Variants in EPB41L4A observed in about 807,000 individuals in gnomAD.
The protein encoded by EPB41L4A is band 4.1-like protein 4A.
EPB41L4A carries 100 observed loss-of-function variants against 108.6 expected under a neutral mutation model. The observed-to-expected ratio is 0.92, with a 90% CI of 0.78 to 1.09. The LOEUF is 1.09. EPB41L4A is among the 50% of genes least tolerant of loss of function. The pLI, the probability that EPB41L4A is intolerant of heterozygous loss-of-function variation, is 0.00. For synonymous variants in EPB41L4A, 319 were observed against 289.0 expected (o/e 1.10, Z -1.05); for missense variants, 1,030 against 842.7 (o/e 1.22, Z -2.75).
At chr5:112,300,553 A>C (rs558636371) in intron 2 of EPB41L4A, among the ~76,000 whole-genome samples, 2 of 152,148 alleles carry the variant, frequency 1.3e-5, no homozygotes, top group East Asian at 1.9e-4. Flanking sequence ...TAGATTACCT[A>C]ATGCTTTTGC....
Position 112,184,082 on chromosome 5 carries a change from A to G in EPB41L4A, c.1556T>C (p.Leu519Ser), listed in dbSNP as rs1231938118. Residue 519 changes from leucine to serine, a missense_variant, in exon 18 of 23, where the codon TTA (leucine) becomes TCA (serine). Transcript: ENST00000261486. ...TTGGTTTTTTTCCTTTTGTCTCCTT[A>G]ATACAGCTTCCCACTGAGGCGCTGA... ...VDSAPQWEAV[L>S]RRQKEKNQAD... 6.2e-7 allele frequency: 1 copy of G among 1,613,946 alleles called. No individual in the cohort carries two copies. Among genetic ancestry groups the G allele is most frequent in the South Asian group, 1.1e-5 (1 of 91,070 alleles).
At chr5:112,372,147 A>G (rs551187872) in intron 1 of EPB41L4A, among the ~76,000 whole-genome samples, 340 of 152,338 alleles carry the variant, frequency 2.2e-3, no homozygotes, top group African/African-American at 7.7e-3. Flanking sequence ...GTAATTTACA[A>G]AGAAAAGAGA....
At chr5:112,243,562 CAGA>C (rs1411284663) in intron 9 of EPB41L4A, among the ~76,000 whole-genome samples, 2 of 152,210 alleles carry the variant, frequency 1.3e-5, no homozygotes, top group Non-Finnish European at 2.9e-5. Flanking sequence ...CTTCTTCCAA[CAGA>C]AGAAGGTTGT....
intron 12 of EPB41L4A, among the ~76,000 whole-genome samples, chr5:112,225,616 G>A (rs1748393800): frequency 6.6e-6 from 1 of 152,080 alleles, no homozygotes. Context: ...GCTTCCCAAA[G>A]GCCACTACTG....
chr5:112,185,225 C>T (rs1033714112), intron 17 of EPB41L4A, among the ~76,000 whole-genome samples: 4 of 152,090 alleles, frequency 2.6e-5, no homozygotes, highest in African/African-American at 9.7e-5. Context: ...AATTGCCAGG[C>T]ACTCACCCCA....
chr5:112,279,544 G>A (rs998213491), intron 3 of EPB41L4A, among the ~76,000 whole-genome samples: 1 of 152,032 alleles, frequency 6.6e-6, no homozygotes, highest in African/African-American at 2.4e-5. Context: ...TGTACCTAAT[G>A]CCACTGAATT....
At chr5:112,172,073 C>A (rs763514068) in intron 18 of EPB41L4A, among the ~76,000 whole-genome samples, 1 of 152,108 alleles carries the variant, frequency 6.6e-6, no homozygotes, top group Non-Finnish European at 1.5e-5. Context: ...ATGGTTTTTC[C>A]TTTGTGCAGG....
At chr5:112,168,613 G>C (rs1159916870) in intron 22 of EPB41L4A, 126 bp downstream of exon 22, 3 of 680,016 alleles carry the variant, frequency 4.4e-6, no homozygotes, top group Middle Eastern at 2.5e-4. Flanking sequence ...TTAAAATACA[G>C]AATCTCAGAA....
intron 12 of EPB41L4A, among the ~76,000 whole-genome samples, chr5:112,217,271 T>C (rs933185562): frequency 2.0e-5 from 3 of 152,210 alleles, no homozygotes; most frequent in Non-Finnish European, 2.9e-5. Context: ...GCAAAACAGA[T>C]GCTCATTAAA....
chr5:112,368,811 A>AT (rs780561089), intron 1 of EPB41L4A, among the ~76,000 whole-genome samples: 11 of 150,788 alleles, frequency 7.3e-5, no homozygotes, highest in African/African-American at 2.0e-4. Context: ...TCCTTTCTTC[A>AT]TTTTTTTCTG....
chr5:112,227,926 G>A (rs911120022), intron 12 of EPB41L4A, among the ~76,000 whole-genome samples: 2 of 152,160 alleles, frequency 1.3e-5, no homozygotes, highest in Non-Finnish European at 2.9e-5. Flanking sequence ...TTCACTATGG[G>A]GGGTCCAGAG....
At chr5:112,151,022 T>C (rs1759444359) in intron 12 of EPB41L4A, among the ~76,000 whole-genome samples, 2 of 152,192 alleles carry the variant, frequency 1.3e-5, no homozygotes, top group Admixed American at 1.3e-4. Context: ...TCATTATGTC[T>C]GGGGAGGGAT....
At chr5:112,167,837 T>C (rs762735314) in intron 22 of EPB41L4A, among the ~76,000 whole-genome samples, 3 of 152,186 alleles carry the variant, frequency 2.0e-5, no homozygotes, top group Non-Finnish European at 4.4e-5. Flanking sequence ...GCTCCAGTCA[T>C]TGATAAAAAC....
At chr5:112,282,550 G>A (rs1561537904) in intron 2 of EPB41L4A, among the ~76,000 whole-genome samples, 1 of 152,194 alleles carries the variant, frequency 6.6e-6, no homozygotes, top group African/African-American at 2.4e-5. Context: ...CTAAAATCAA[G>A]ATGTCAGCCT....
intron 13 of EPB41L4A, chr5:112,206,805 G>T (rs1249926092): frequency 6.6e-6 from 1 of 152,206 alleles, no homozygotes; most frequent in Non-Finnish European, 1.5e-5. Flanking sequence ...TCAAGTACCA[G>T]TATCATCACA....
chr5:112,256,344 C>A (rs1290576930), intron 9 of EPB41L4A, among the ~76,000 whole-genome samples: 1 of 152,126 alleles, frequency 6.6e-6, no homozygotes, highest in South Asian at 2.1e-4. Context: ...ACTTAGTACT[C>A]TTCTAGAAGT....
chr5:112,269,905 G>A (rs1050753454), intron 4 of EPB41L4A, among the ~76,000 whole-genome samples: 1 of 152,136 alleles, frequency 6.6e-6, no homozygotes, highest in African/African-American at 2.4e-5. Flanking sequence ...AGGTGGGGAG[G>A]AGCATTCTGT....
intron 1 of EPB41L4A, among the ~76,000 whole-genome samples, chr5:112,362,144 C>A (rs548155476): frequency 6.6e-6 from 1 of 152,288 alleles, no homozygotes; most frequent in Admixed American, 6.5e-5. Flanking sequence ...GTCACCCAGG[C>A]TGGAGTGCAG....
Position 112,266,253 on chromosome 5 carries a change from A to C in EPB41L4A, c.413T>G (p.Leu138Arg), listed in dbSNP as rs754259976. The change falls in exon 5 of 23, where the codon CTG becomes CGG. Residue 138 changes from leucine (L) to arginine (R), a missense_variant. Physicochemically the swap from Leu to Arg is moderately radical, Grantham distance 102 (BLOSUM62 -2). Coordinates refer to ENST00000261486, the MANE Select transcript of EPB41L4A (RefSeq NM_022140.5). Reference protein sequence around the residue: ...LPCPVNTAAQLGAYAIQSELG... With the variant: ...LPCPVNTAAQRGAYAIQSELG... Reference sequence around the variant, plus strand: ...CCTACACTGGATGGCATACGCTCCCAGCTGAGCAGCAGTGTTGACGGGACA... The same window carrying C: ...CCTACACTGGATGGCATACGCTCCCCGCTGAGCAGCAGTGTTGACGGGACA... 2 of 1,610,364 alleles carry C rather than the reference A, an allele frequency of 1.2e-6. No individual in the cohort carries two copies. The highest frequency in any genetic ancestry group is 3.4e-5 in the Admixed American group (2 of 59,508).
Sources: allele counts gnomAD v4.1 joint callset (sites outside exome capture counted in the v4.1 genomes callset), GRCh38; gene constraint gnomAD v4.1.1; transcripts MANE v1.5; gene names NCBI Gene and HGNC (gene_info 2026-07-23, HGNC 2026-07-21).